Variants in ARL15 observed in about 807,000 individuals in gnomAD.
ARL15 encodes the protein ADP-ribosylation factor-like protein 15.
Under a neutral mutation model 25.2 loss-of-function variants are expected in ARL15, and 19 were observed. The observed-to-expected ratio is 0.75, with a 90% CI of 0.53 to 1.10. The LOEUF is 1.10. Ranked by LOEUF, ARL15 falls within the 50% of genes least tolerant of loss-of-function variation. ARL15 has a pLI of 0.00. For synonymous variants in ARL15, 94 were observed against 86.8 expected, an observed-to-expected ratio of 1.08 and a Z score of -0.46; for missense variants, 220 against 246.0, an observed-to-expected ratio of 0.89 and a Z score of 0.71.
intron 4 of ARL15, among the ~76,000 whole-genome samples, chr5:53,995,515 G>T (rs760403593): frequency 9.2e-5 from 14 of 151,944 alleles, no homozygotes; most frequent in Non-Finnish European, 1.9e-4. Flanking sequence ...TCAGTATTTT[G>T]GCAGACACTT....
intron 4 of ARL15, among the ~76,000 whole-genome samples, chr5:54,050,724 G>A (rs1470078824): frequency 3.9e-5 from 6 of 152,064 alleles, no homozygotes; most frequent in East Asian, 3.8e-4. Flanking sequence ...TCTCTTACCC[G>A]TGATCGCTTA....
chr5:53,911,807 C>T (rs918268984), intron 4 of ARL15, among the ~76,000 whole-genome samples: 5 of 152,082 alleles, frequency 3.3e-5, no homozygotes, highest in South Asian at 2.1e-4. Context: ...TAATGCCACA[C>T]GATCAAATCC....
At chr5:53,964,258 T>C (rs1747471072) in intron 4 of ARL15, among the ~76,000 whole-genome samples, 1 of 152,244 alleles carries the variant, frequency 6.6e-6, no homozygotes, top group Admixed American at 6.5e-5. Context: ...CACTGTAAAG[T>C]CATTTCACTT....
At chr5:53,999,822 G>A (rs1748796773) in intron 4 of ARL15, among the ~76,000 whole-genome samples, 1 of 152,026 alleles carries the variant, frequency 6.6e-6, no homozygotes, top group Non-Finnish European at 1.5e-5. Context: ...CCTGAACCGG[G>A]AGGTGGAGGT....
intron 4 of ARL15, among the ~76,000 whole-genome samples, chr5:54,060,458 T>TA (rs1369513268): frequency 1.3e-5 from 2 of 151,946 alleles, no homozygotes; most frequent in African/African-American, 4.8e-5. Flanking sequence ...AAAAAACAAA[T>TA]AAAAAAACAT....
At position 54,174,671 on chromosome 5, in the gene ARL15, C is replaced by T. The variant is rs189444410; in HGVS notation, c.49-2743G>A. 6.6e-5 allele frequency among the ~76,000 whole-genome samples: 10 copies of T among 152,296 alleles called. No individual in the cohort carries two copies. In the East Asian group the frequency reaches 1.5e-3, roughly 24 times the overall value. ...CCATAACTACTAACAGCATTCTAAA[C>T]GCCAACACATCACTTCATGGATTCA... On this transcript the variant is annotated intron_variant, in intron 1 of 4. Transcript: ENST00000504924.
intron 4 of ARL15, among the ~76,000 whole-genome samples, chr5:54,061,020 C>A (rs1277209896): frequency 2.0e-5 from 3 of 152,144 alleles, no homozygotes; most frequent in African/African-American, 7.2e-5. Flanking sequence ...AATGAGGAGC[C>A]AAATGTTAAT....
chr5:54,139,756 C>T (rs114002446), intron 3 of ARL15, among the ~76,000 whole-genome samples: 101 of 152,152 alleles, frequency 6.6e-4, no homozygotes, highest in South Asian at 2.3e-3. Context: ...CACTTGAGCC[C>T]AGGAGGTGGA....
At chr5:54,145,707 ATTAAATATT>A (rs1461981915) in intron 3 of ARL15, among the ~76,000 whole-genome samples, 2 of 152,168 alleles carry the variant, frequency 1.3e-5, no homozygotes. Flanking sequence ...GTTGGTATTC[ATTAAATATT>A]CACTGAAGTG....
chr5:54,039,032 C>G (rs1348009257), intron 4 of ARL15, among the ~76,000 whole-genome samples: 1 of 152,174 alleles, frequency 6.6e-6, no homozygotes, highest in Non-Finnish European at 1.5e-5. Flanking sequence ...CTGAGATTGC[C>G]AGAGATTACA....
chr5:53,922,963 G>A (rs1446607565), intron 4 of ARL15, among the ~76,000 whole-genome samples: 2 of 152,194 alleles, frequency 1.3e-5, no homozygotes, highest in African/African-American at 4.8e-5. Context: ...AGTGTATACA[G>A]AGCATGTTCT....
At chr5:54,125,014 A>G (rs151208312) in intron 3 of ARL15, among the ~76,000 whole-genome samples, 6 of 150,802 alleles carry the variant, frequency 4.0e-5, no homozygotes, top group Admixed American at 3.3e-4. Context: ...TTGAATAGGT[A>G]TCTTCTGTCT....
intron 1 of ARL15, among the ~76,000 whole-genome samples, chr5:54,304,052 T>C (rs1392223160): frequency 5.9e-5 from 9 of 152,248 alleles, no homozygotes; most frequent in Admixed American, 1.3e-4. Context: ...TGCCTGCTCA[T>C]GGCCACTGCT....
chr5:54,174,412 G>C (rs1483807689), intron 1 of ARL15, among the ~76,000 whole-genome samples: 1 of 152,150 alleles, frequency 6.6e-6, no homozygotes, highest in Admixed American at 6.5e-5. Context: ...TGGTAAATTA[G>C]AGCTTCTTTT....
intron 3 of ARL15, among the ~76,000 whole-genome samples, chr5:54,129,645 A>G (rs1479635527): frequency 6.6e-6 from 1 of 152,242 alleles, no homozygotes; most frequent in Admixed American, 6.5e-5. Context: ...TGTCCATCAA[A>G]TAAATGATGA....
At chr5:53,939,326 TCA>T (rs1238394450) in intron 4 of ARL15, among the ~76,000 whole-genome samples, 2 of 152,256 alleles carry the variant, frequency 1.3e-5, no homozygotes, top group Non-Finnish European at 2.9e-5. Context: ...TGCATGCATT[TCA>T]GTTTCCATTT....
intron 1 of ARL15, among the ~76,000 whole-genome samples, chr5:54,179,419 AG>A (rs1435300168): frequency 6.6e-6 from 1 of 152,144 alleles, no homozygotes; most frequent in African/African-American, 2.4e-5. Flanking sequence ...CACCGGGCAA[AG>A]GAAGGCGAAG....
At chr5:54,158,207 T>C (rs1754297771) in intron 2 of ARL15, among the ~76,000 whole-genome samples, 1 of 152,186 alleles carries the variant, frequency 6.6e-6, no homozygotes. Context: ...GCATTTGCTC[T>C]AGAGAAAGAA....
At chr5:54,184,540 A>G (rs1311400793) in intron 1 of ARL15, among the ~76,000 whole-genome samples, 2 of 149,060 alleles carry the variant, frequency 1.3e-5, no homozygotes, top group African/African-American at 2.4e-5. Context: ...AAAAATCCCT[A>G]GGAGGAAAGA....
Sources: allele counts gnomAD v4.1 joint callset (sites outside exome capture counted in the v4.1 genomes callset), GRCh38; gene constraint gnomAD v4.1.1; transcripts MANE v1.5; gene names NCBI Gene and HGNC (gene_info 2026-07-23, HGNC 2026-07-21).